The following ENOX1 variants were observed in gnomAD, a reference collection of about 807,000 sequenced individuals.
ENOX1 encodes the protein ecto-NOX disulfide-thiol exchanger 1, also known as candidate growth-related and time keeping constitutive hydroquinone (NADH) oxidase.
Under a neutral mutation model 82.5 loss-of-function variants are expected in ENOX1, and 42 were observed. That is an observed-to-expected ratio of 0.51 (90% CI 0.40 to 0.66). The LOEUF is 0.66. ENOX1 is among the 30% of genes least tolerant of loss of function. The pLI is 0.00. For missense variants in ENOX1, 608 were observed against 811.6 expected (o/e 0.75, Z 3.05); for synonymous variants, 271 against 282.2 (o/e 0.96, Z 0.40).
intron 12 of ENOX1, among the ~76,000 whole-genome samples, chr13:43,270,872 C>T (rs190959623): frequency 9.2e-5 from 14 of 152,288 alleles, no homozygotes; most frequent in African/African-American, 2.2e-4. Flanking sequence ...ATTCCATATG[C>T]GCTCACTTAA....
intron 12 of ENOX1, among the ~76,000 whole-genome samples, chr13:43,276,242 G>T (rs957895796): frequency 6.6e-6 from 1 of 152,112 alleles, no homozygotes; most frequent in Non-Finnish European, 1.5e-5. Context: ...TGCGTCTGAT[G>T]GTCTCATCCC....
At chr13:43,752,906 A>G (rs1950398662) in intron 1 of ENOX1, among the ~76,000 whole-genome samples, 1 of 151,892 alleles carries the variant, frequency 6.6e-6, no homozygotes, top group African/African-American at 2.4e-5. Flanking sequence ...CTCACCCAGA[A>G]TGGAGTGCAG....
chr13:43,255,166 T>C (rs1254751021), intron 14 of ENOX1, among the ~76,000 whole-genome samples: 2 of 152,040 alleles, frequency 1.3e-5, no homozygotes, highest in Admixed American at 6.5e-5. Flanking sequence ...AAGTGGTACA[T>C]CACATTAACA....
intron 12 of ENOX1, among the ~76,000 whole-genome samples, chr13:43,292,043 TAC>T (rs1420434350): frequency 6.6e-6 from 1 of 151,942 alleles, no homozygotes; most frequent in Non-Finnish European, 1.5e-5. Context: ...CACCTAAATA[TAC>T]ACAGACTGCC....
intron 14 of ENOX1, among the ~76,000 whole-genome samples, chr13:43,253,605 G>A (rs375527027): frequency 2.0e-5 from 3 of 152,256 alleles, no homozygotes; most frequent in African/African-American, 7.2e-5. Flanking sequence ...GAAGTGGTGC[G>A]AAAATCACTA....
chr13:43,530,512 A>C (rs2078165285), intron 2 of ENOX1, among the ~76,000 whole-genome samples: 1 of 152,090 alleles, frequency 6.6e-6, no homozygotes, highest in Non-Finnish European at 1.5e-5. Context: ...GAACTATCTC[A>C]TGTGCAGATA....
intron 2 of ENOX1, among the ~76,000 whole-genome samples, chr13:43,620,044 G>T (rs1566650638): frequency 6.6e-6 from 1 of 152,068 alleles, no homozygotes; most frequent in Non-Finnish European, 1.5e-5. Context: ...GTGTGTAAAG[G>T]TGTTCACAGT....
chr13:43,471,754 G>A (rs191953440), intron 3 of ENOX1, among the ~76,000 whole-genome samples: 7 of 148,098 alleles, frequency 4.7e-5, no homozygotes, highest in African/African-American at 1.8e-4. Context: ...AGGTTGCAGT[G>A]AGCAGAGATT....
intron 2 of ENOX1, among the ~76,000 whole-genome samples, chr13:43,601,309 A>G (rs906582511): frequency 6.6e-6 from 1 of 152,184 alleles, no homozygotes; most frequent in Non-Finnish European, 1.5e-5. Flanking sequence ...GGAATTTAGA[A>G]TACTGTCTAA....
At chr13:43,657,767 G>A (rs982263911) in intron 2 of ENOX1, among the ~76,000 whole-genome samples, 10 of 152,146 alleles carry the variant, frequency 6.6e-5, no homozygotes, top group South Asian at 2.1e-4. Flanking sequence ...GTCAAATATC[G>A]TCTTTTACTG....
chr13:43,400,141 A>G (rs910999931), intron 5 of ENOX1, among the ~76,000 whole-genome samples: 1 of 152,144 alleles, frequency 6.6e-6, no homozygotes, highest in Admixed American at 6.5e-5. Context: ...GGGAGGACAC[A>G]ACAGTGCTGG....
chr13:43,445,125 G>GTTT (rs71808213), intron 3 of ENOX1, among the ~76,000 whole-genome samples: 14 of 137,828 alleles, frequency 1.0e-4, no homozygotes, highest in African/African-American at 1.9e-4. Flanking sequence ...TTCTTTCTGG[G>GTTT]TTTTTTTTTT....
At chr13:43,603,353 CT>C (rs1317132765) in intron 2 of ENOX1, among the ~76,000 whole-genome samples, 3 of 139,296 alleles carry the variant, frequency 2.2e-5, no homozygotes, top group East Asian at 2.4e-4. Flanking sequence ...GTTCCAGCTG[CT>C]TTTTTTTCCT....
At chr13:43,738,294 G>C (rs2089728405) in intron 1 of ENOX1, among the ~76,000 whole-genome samples, 2 of 152,028 alleles carry the variant, frequency 1.3e-5, no homozygotes, top group African/African-American at 2.4e-5. Context: ...TGTAGTTATA[G>C]AGCCAAGCAT....
At chr13:43,680,449 C>T (rs1222366099) in intron 1 of ENOX1, among the ~76,000 whole-genome samples, 1 of 151,936 alleles carries the variant, frequency 6.6e-6, no homozygotes, top group Admixed American at 6.6e-5. Flanking sequence ...AGCACTATAC[C>T]AATTCTAAAG....
At chr13:43,693,946 G>C (rs1227808867) in intron 1 of ENOX1, among the ~76,000 whole-genome samples, 1 of 152,134 alleles carries the variant, frequency 6.6e-6, no homozygotes, top group Non-Finnish European at 1.5e-5. Flanking sequence ...CAACCATAGG[G>C]AGTATGGGGA....
chr13:43,751,433 G>T (rs1254709882), intron 1 of ENOX1, among the ~76,000 whole-genome samples: 1 of 152,152 alleles, frequency 6.6e-6, no homozygotes, highest in African/African-American at 2.4e-5. Context: ...TCGTAAGTTT[G>T]AACATATATC....
At chr13:43,671,799 TG>T (rs1460920974) in intron 1 of ENOX1, among the ~76,000 whole-genome samples, 3 of 152,156 alleles carry the variant, frequency 2.0e-5, no homozygotes. Context: ...GATTCACCTC[TG>T]AATTCAGGGA....
chr13:43,450,074 A>C (rs1321411340), intron 3 of ENOX1, among the ~76,000 whole-genome samples: 1 of 152,206 alleles, frequency 6.6e-6, no homozygotes, highest in African/African-American at 2.4e-5. Context: ...GTGCTTAAGG[A>C]GTATTATTGG....
Sources: allele counts gnomAD v4.1 joint callset (sites outside exome capture counted in the v4.1 genomes callset), GRCh38; gene constraint gnomAD v4.1.1; transcripts MANE v1.5; gene names NCBI Gene and HGNC (gene_info 2026-07-23, HGNC 2026-07-21).